The following LTBP2 variants were observed in gnomAD, a reference collection of about 807,000 sequenced individuals.
LTBP2 encodes latent-transforming growth factor beta-binding protein 2.
Under a neutral mutation model 210.6 loss-of-function variants are expected in LTBP2, and 103 were observed. That is an observed-to-expected ratio of 0.49 (90% CI 0.42 to 0.58). The LOEUF (loss-of-function observed/expected upper bound fraction) is 0.58. Among genes scored for constraint, LTBP2 ranks in the 20% least tolerant of loss-of-function variants. LTBP2 has a pLI of 0.00. For synonymous variants in LTBP2, 1,007 were observed against 1,015.0 expected (o/e 0.99, Z 0.15); for missense variants, 2,313 against 2,494.5 (o/e 0.93, Z 1.55).
chr14:74,503,516 G>A lies in LTBP2; in HGVS notation c.4673C>T (p.Thr1558Ile), dbSNP rs754791470. ...GCAGCGCTGCTGGCTGAGGTCCAGG[G>A]TGAGCGGGGGGCTGCAGAAGCAGTG... The part of the protein sequence containing the change: ...SFHCFCSPPL[T>I]LDLSQQRCMN... The change falls in exon 32 of 36, where the codon ACC (threonine) becomes ATC (isoleucine). Residue 1558 changes from threonine (T) to isoleucine (I), a missense_variant. By Grantham distance (89) the Thr-to-Ile change is moderately conservative. This residue lies in a region of LTBP2 where 443 missense variants were observed against 501.4 expected (regional missense o/e 0.88). Transcript: ENST00000261978. 3 of 1,613,374 alleles carry A rather than the reference G, an allele frequency of 1.9e-6. No individual in the cohort carries two copies. Among genetic ancestry groups the A allele is most frequent in the Non-Finnish European group, 2.5e-6 (3 of 1,179,818 alleles).
At chr14:74,528,208 G>T (rs2139718079) in intron 12 of LTBP2, among the ~76,000 whole-genome samples, 1 of 152,366 alleles carries the variant, frequency 6.6e-6, no homozygotes, top group South Asian at 2.1e-4. Context: ...GGAGAGGCCT[G>T]ATCGCTGGGG....
intron 3 of LTBP2, among the ~76,000 whole-genome samples, chr14:74,568,823 T>C (rs1159448852): frequency 6.6e-6 from 1 of 152,194 alleles, no homozygotes; most frequent in Non-Finnish European, 1.5e-5. Context: ...TTGAGAACTA[T>C]ACTTCGGGAC....
In LTBP2 at chr14:74,502,708, A is replaced by G. The variant is rs762612342; in HGVS notation, c.5115T>C (p.Leu1705=). Residue 1705 remains leucine (L), a synonymous_variant, in exon 34 of 36, where the codon CTT becomes CTC. Coordinates refer to ENST00000261978, the MANE Select transcript of LTBP2 (RefSeq NM_000428.3). ...GTTCTGAGGGCTGCAAAGGAGACTC[A>G]AGGATGGGTGTGCGGTCCGCTGAGT... is the stretch of plus-strand genomic sequence containing the variant. ...AGHSADRTPI[L]ESPLQPSELQ... is the part of the protein sequence containing the mutation. 2 of 1,614,188 alleles carry G rather than the reference A, an allele frequency of 1.2e-6. No individual in the cohort carries two copies. The highest frequency in any genetic ancestry group is 1.7e-6 in the Non-Finnish European group (2 of 1,180,024).
chr14:74,575,955 T>A (rs550480333), intron 3 of LTBP2, among the ~76,000 whole-genome samples: 13 of 151,732 alleles, frequency 8.6e-5, no homozygotes, highest in South Asian at 2.1e-4. Context: ...GGAAGGGGAG[T>A]CATGGGGGCT....
At chr14:74,564,347 ATATATATT>A (rs1473040263) in intron 3 of LTBP2, among the ~76,000 whole-genome samples, 2 of 15,992 alleles carry the variant, frequency 1.3e-4, no homozygotes, top group Non-Finnish European at 2.8e-4. Flanking sequence ...ATATATATTT[ATATATATT>A]TATATATATA....
At chr14:74,507,478 G>T (rs2087006679) in intron 25 of LTBP2, among the ~76,000 whole-genome samples, 168 bp from the exon 26 acceptor site, 1 of 152,206 alleles carries the variant, frequency 6.6e-6, no homozygotes, top group Non-Finnish European at 1.5e-5. Context: ...GACCCTGCAG[G>T]GCTGAGCCTC....
At position 74,552,478 on chromosome 14, in the gene LTBP2, C is replaced by T. The variant is rs1057138687; in HGVS notation, c.1193-85G>A. On this transcript the variant is annotated intron_variant, in intron 5 of 35. Transcript: ENST00000261978. ...CTGGTGACCACCACAGAGAAACAGG[C>T]GGCAGAACCCTGACCCTAGATGGCT... The T allele has an allele frequency of 3.4e-5, 44 of 1,285,908 alleles. 1 individual carries two copies. The highest frequency in any genetic ancestry group is 1.2e-4 in the East Asian group (5 of 41,514). 79.7% of individuals were successfully genotyped at this position (1,285,908 alleles called of 1,614,324 possible).
At position 74,519,713 on chromosome 14, in the gene LTBP2, G is replaced by C. The variant is rs192234423; in HGVS notation, c.2788+2198C>G. Among the ~76,000 whole-genome samples, 450 of 152,256 alleles carry C rather than the reference G, an allele frequency of 3.0e-3. 4 individuals carry two copies. Among genetic ancestry groups the C allele is most frequent in the African/African-American group, 9.9e-3 (410 of 41,536 alleles). On this transcript the variant is annotated intron_variant, in intron 17 of 35. Transcript: ENST00000261978. ...CCTTGAACCCCATCCCCGTTCCCCA[G>C]CTGCTGGGGCTGGCAGAGACATCTT...
At position 74,551,328 on chromosome 14, in the gene LTBP2, C is replaced by T. The variant is rs577223452; in HGVS notation, c.1422G>A (p.Val474=). Residue 474 remains valine, a synonymous_variant, in exon 7 of 36, where the codon GTG becomes GTA. Coordinates refer to ENST00000261978, the MANE Select transcript of LTBP2 (RefSeq NM_000428.3). ...CGGGTGGGTGGTGAATGTGCACCTT[C>T]ACCAGGGAGGGGTTCACGGAGGCTG... ...NQLASVNPSL[V]KVHIHHPPEA... The T allele has an allele frequency of 1.2e-5, 19 of 1,585,110 alleles. No homozygotes were observed. In the African/African-American group the frequency reaches 2.4e-4, roughly 20 times the overall value.
rs1199647514 is a variant in LTBP2 at position 74,507,263 on chromosome 14, TC to T, written c.3822del (p.Trp1274Ter). The T allele has an allele frequency of 1.9e-6, 3 of 1,614,120 alleles. No individual in the cohort carries two copies. The highest frequency in any genetic ancestry group is 2.5e-6 in the Non-Finnish European group (3 of 1,180,012). On this transcript the variant is annotated frameshift_variant, in exon 26 of 36. Coordinates refer to ENST00000261978, the MANE Select transcript of LTBP2 (RefSeq NM_000428.3). LOFTEE classifies it high-confidence loss of function. ...EDYGDPVCGT[W>X]KCENSPGSYR... The stretch of plus-strand genomic sequence containing the variant: ...TAGGAGCCAGGGCTGTTTTCACACT[TC>T]CAGGTGCCACACACCGGGTCTCCAT...
chr14:74,546,469 A>G lies in LTBP2; in HGVS notation c.1789+3394T>C, dbSNP rs370422303. Among the ~76,000 whole-genome samples the G allele has an allele frequency of 1.1e-4, 16 of 152,254 alleles. No homozygotes were observed. The East Asian group carries it at 3.1e-3, about 29-fold the overall frequency. ...CCAACGTCTTGCCCCTTCTCTATACAACGCCCAACTGCACTTTCATGTGTT... is the reference window on the plus strand; with the variant it reads ...CCAACGTCTTGCCCCTTCTCTATACGACGCCCAACTGCACTTTCATGTGTT... On this transcript the variant is annotated intron_variant, in intron 8 of 35. Coordinates refer to ENST00000261978, the MANE Select transcript of LTBP2 (RefSeq NM_000428.3).
intron 2 of LTBP2, among the ~76,000 whole-genome samples, chr14:74,599,739 G>C (rs1248976116): frequency 6.6e-6 from 1 of 152,246 alleles, no homozygotes; most frequent in Non-Finnish European, 1.5e-5. Flanking sequence ...GCAGGCCCGG[G>C]AGATGGACTG....
intron 8 of LTBP2, 88 bp downstream of exon 8, chr14:74,549,775 G>T (rs564661013): frequency 2.7e-6 from 3 of 1,117,910 alleles, no homozygotes; most frequent in East Asian, 2.3e-5. Flanking sequence ...CCTGGCCTCT[G>T]ACATCCTGGA....
Position 74,500,734 on chromosome 14 carries a change from G to A in LTBP2, c.*150C>T. The A allele has an allele frequency of 9.4e-7, 1 of 1,066,168 alleles. No homozygotes were observed. The allele number at this position is 1,066,168 out of a possible 1,614,324, so 66.0% of individuals were successfully genotyped here. A position where few individuals can be genotyped will look rare whatever the true frequency, so the allele number is the denominator to read the frequency against. ...GCAATGACCGAAGCTTACAGCCAGA[G>A]GCTAAGCTGGGAGAGATGAAAGCAG... On this transcript the variant is annotated 3_prime_UTR_variant, in exon 36 of 36. Transcript: ENST00000261978.
rs1566614427 is a variant in LTBP2, at chr14:74,506,886, C to CGT, written c.3908-64_3908-63insAC. The CGT allele has an allele frequency of 9.9e-5, 156 of 1,575,624 alleles. 1 individual carries two copies. In the African/African-American group the frequency reaches 1.8e-3, roughly 18 times the overall value. On this transcript the variant is annotated intron_variant, in intron 26 of 35. Transcript: ENST00000261978. ...GTGTGTGTGTGTGTGTGTGCGCGCG[C>CGT]GCGTGTGTGCTCACTCTCTCACACG...
chr14:74,608,434 C>T (rs1385178830), intron 1 of LTBP2, among the ~76,000 whole-genome samples: 1 of 151,720 alleles, frequency 6.6e-6, no homozygotes, highest in Non-Finnish European at 1.5e-5. Flanking sequence ...AGAGGCCAGG[C>T]GTGGTGGCTC....
At chr14:74,580,527 C>T (rs906529202) in intron 3 of LTBP2, among the ~76,000 whole-genome samples, 5 of 152,198 alleles carry the variant, frequency 3.3e-5, no homozygotes, top group African/African-American at 1.2e-4. Flanking sequence ...GATATGCTAG[C>T]AGAGAGGCAC....
intron 15 of LTBP2, among the ~76,000 whole-genome samples, 186 bp from the exon 16 acceptor site, chr14:74,523,104 CACCCCGAGCCCT>C (rs2139711696): frequency 6.6e-6 from 1 of 152,134 alleles, no homozygotes; most frequent in South Asian, 2.1e-4. Flanking sequence ...CTCTGCCCAG[CACCCCGAGCCCT>C]ACCCAGGATG....
Position 74,555,249 on chromosome 14 carries a change from G to A in LTBP2, c.1021+254C>T, listed in dbSNP as rs55927952. 0.37 allele frequency among the ~76,000 whole-genome samples: 55,545 copies of A among 151,872 alleles called. 12,370 individuals are homozygous for A. Among genetic ancestry groups the A allele is most frequent in the Non-Finnish European group, 0.51 (34,309 of 67,890 alleles). On this transcript the variant is annotated intron_variant, in intron 4 of 35. Coordinates refer to ENST00000261978, the MANE Select transcript of LTBP2 (RefSeq NM_000428.3). ...GATATGAGGGAAGCAAAGGCAGGAG[G>A]GGATGATAGATTGGGCAGAAATAGA... is the stretch of plus-strand genomic sequence containing the variant.
Sources: gnomAD v4.1 joint callset for allele counts (sites outside exome capture counted in the v4.1 genomes callset) on GRCh38, gnomAD v4.1.1 for gene constraint, gnomAD v4.1.1 regional missense constraint, MANE v1.5 for transcripts, NCBI Gene and HGNC (gene_info 2026-07-23, HGNC 2026-07-21) for gene names.